ABCC9: variants seen among roughly 807,000 people sequenced by gnomAD.
The protein encoded by ABCC9 is ATP binding cassette subfamily C member 9.
In ABCC9, 95 loss-of-function variants were observed where a neutral mutation model predicts 188.3. That is an observed-to-expected ratio of 0.50 (90% CI 0.43 to 0.60). The LOEUF is 0.60. ABCC9 is among the 20% of genes least tolerant of loss of function. The pLI, the probability that ABCC9 is intolerant of heterozygous loss-of-function variation, is 0.00. For missense variants in ABCC9, 1,102 were observed against 1,876.3 expected (o/e 0.59, Z 7.62); for synonymous variants, 659 against 652.7 (o/e 1.01, Z -0.15).
chr12:21,931,926 A>C (rs963631732), intron 4 of ABCC9, among the ~76,000 whole-genome samples: 55 of 152,136 alleles, frequency 3.6e-4, no homozygotes, highest in African/African-American at 1.2e-3. Context: ...ACCTGCGAAA[A>C]GCCCTCATAA....
chr12:21,880,510 A>G (rs1435757487), intron 16 of ABCC9, among the ~76,000 whole-genome samples: 1 of 152,210 alleles, frequency 6.6e-6, no homozygotes, highest in East Asian at 1.9e-4. Flanking sequence ...AAGTAGTACC[A>G]AAAATTTTTA....
At chr12:21,905,830 T>C (rs1352120311) in intron 12 of ABCC9, among the ~76,000 whole-genome samples, 1 of 152,118 alleles carries the variant, frequency 6.6e-6, no homozygotes, top group African/African-American at 2.4e-5. Context: ...TTCATTTTAC[T>C]GATGAAGAAA....
intron 39 of ABCC9, among the ~76,000 whole-genome samples, chr12:21,804,332 C>T (rs983189806): frequency 5.3e-5 from 8 of 152,080 alleles, no homozygotes; most frequent in African/African-American, 1.9e-4. Context: ...TAGAACCATC[C>T]AACAACGCCA....
At position 21,853,651 on chromosome 12, in the gene ABCC9, G is replaced by A. The variant is rs561090142; in HGVS notation, c.2506-1146C>T. 1.1e-4 allele frequency among the ~76,000 whole-genome samples: 16 copies of A among 152,180 alleles called. 1 individual carries two copies. Among genetic ancestry groups the A allele is most frequent in the African/African-American group, 3.9e-4 (16 of 41,534 alleles). On this transcript the variant is annotated intron_variant, in intron 22 of 39. Transcript: ENST00000261200. The stretch of plus-strand genomic sequence containing the variant: ...TTCATATATATTTCATACCTAAAAT[G>A]TTATATAGAGCATCAAACTACATGT...
chr12:21,829,116 A>G, intron 30 of ABCC9, 56 bp from the exon 31 acceptor site: 1 of 1,260,756 alleles, frequency 7.9e-7, no homozygotes, highest in Non-Finnish European at 1.2e-6. Flanking sequence ...AATAAGAAAC[A>G]GTCACACTTA....
intron 16 of ABCC9, among the ~76,000 whole-genome samples, chr12:21,882,294 A>G (rs1420785812): frequency 6.6e-6 from 1 of 152,136 alleles, no homozygotes; most frequent in Non-Finnish European, 1.5e-5. Flanking sequence ...ACTTAAGCAC[A>G]ATGCCTGGGG....
intron 30 of ABCC9, among the ~76,000 whole-genome samples, chr12:21,837,214 G>T (rs1216686560): frequency 6.6e-6 from 1 of 152,094 alleles, no homozygotes; most frequent in African/African-American, 2.4e-5. Flanking sequence ...AAAAGGAATT[G>T]CACATTATGA....
intron 35 of ABCC9, among the ~76,000 whole-genome samples, chr12:21,812,996 T>C (rs1390172349): frequency 2.0e-5 from 3 of 152,192 alleles, no homozygotes; most frequent in African/African-American, 7.2e-5. Flanking sequence ...CTGAGTACTT[T>C]TCCTTCTAGT....
chr12:21,820,186 A>G (rs1942953379), intron 31 of ABCC9, among the ~76,000 whole-genome samples: 1 of 152,044 alleles, frequency 6.6e-6, no homozygotes, highest in East Asian at 1.9e-4. Flanking sequence ...AGTTTCTGTA[A>G]TAAGTTGCAG....
intron 5 of ABCC9, chr12:21,925,279 C>A: frequency 4.1e-6 from 2 of 488,524 alleles, no homozygotes; most frequent in African/African-American, 1.9e-5. Context: ...AATTTTGACC[C>A]AAGGCAAAAA....
chr12:21,866,772 C>G (rs1398999213), intron 18 of ABCC9, among the ~76,000 whole-genome samples: 7 of 152,156 alleles, frequency 4.6e-5, no homozygotes, highest in Admixed American at 4.6e-4. Context: ...GGAGTTAGCA[C>G]TTAGGCAGTC....
chr12:21,822,644 A>T (rs1217161149), intron 31 of ABCC9, among the ~76,000 whole-genome samples: 3 of 152,064 alleles, frequency 2.0e-5, no homozygotes, highest in Non-Finnish European at 4.4e-5. Flanking sequence ...CACAAAAATT[A>T]GCTGGGTGTG....
chr12:21,869,994 A>T (rs1338521255), intron 18 of ABCC9, among the ~76,000 whole-genome samples: 1 of 152,172 alleles, frequency 6.6e-6, no homozygotes, highest in East Asian at 1.9e-4. Context: ...TCCTGGATCA[A>T]ACTAGATGTT....
intron 3 of ABCC9, among the ~76,000 whole-genome samples, chr12:21,935,123 A>C (rs895067778): frequency 6.6e-6 from 1 of 152,122 alleles, no homozygotes; most frequent in African/African-American, 2.4e-5. Flanking sequence ...CCCTGGTGCC[A>C]GCCTCTTTGC....
chr12:21,815,992 T>G (rs1942589449), intron 33 of ABCC9, 99 bp from the exon 34 acceptor site: 1 of 658,592 alleles, frequency 1.5e-6, no homozygotes, highest in South Asian at 3.3e-5. Context: ...CATATATATA[T>G]ATTTTTCTAA....
intron 31 of ABCC9, among the ~76,000 whole-genome samples, chr12:21,825,502 A>G (rs940677183): frequency 2.0e-5 from 3 of 152,170 alleles, no homozygotes; most frequent in African/African-American, 7.2e-5. Context: ...AGGGACATGG[A>G]TGAAGCTGGA....
chr12:21,922,175 A>G (rs927487919), intron 5 of ABCC9, among the ~76,000 whole-genome samples: 4 of 152,004 alleles, frequency 2.6e-5, no homozygotes, highest in Non-Finnish European at 5.9e-5. Flanking sequence ...CATTTTAACA[A>G]TGCTTATTTT....
rs1169599241 is a variant in ABCC9 at position 21,799,880 on chromosome 12, C to G, written c.*1164G>C. On this transcript the variant is annotated 3_prime_UTR_variant, in exon 40 of 40. Coordinates refer to ENST00000261200, the MANE Select transcript of ABCC9 (RefSeq NM_020297.4). The stretch of plus-strand genomic sequence containing the variant: ...TTGAATTTATTAATTTTCATTTAAG[C>G]AAAACCTAACACTAATATCCCATCA... The G allele has an allele frequency of 6.6e-6, 1 of 152,130 alleles. No homozygotes were observed. Among genetic ancestry groups the G allele is most frequent in the Non-Finnish European group, 1.5e-5 (1 of 68,012 alleles). 9.4% of individuals were successfully genotyped at this position (152,130 alleles called of 1,614,324 possible).
chr12:21,836,542 C>T (rs373398904), intron 30 of ABCC9, among the ~76,000 whole-genome samples: 5 of 152,298 alleles, frequency 3.3e-5, no homozygotes, highest in South Asian at 2.1e-4. Flanking sequence ...ATAATTATCT[C>T]CCCATTCCTT....
Sources: allele counts gnomAD v4.1 joint callset (sites outside exome capture counted in the v4.1 genomes callset), GRCh38; gene constraint gnomAD v4.1.1; transcripts MANE v1.5; gene names NCBI Gene and HGNC (gene_info 2026-07-23, HGNC 2026-07-21).